The following ASIC2 variants were observed in gnomAD, a reference collection of about 807,000 sequenced individuals.
The protein encoded by ASIC2 is acid-sensing ion channel 2.
A neutral mutation model predicts 57.3 loss-of-function variants in ASIC2; 25 were observed. The ratio of observed to expected loss-of-function variants is 0.44; its 90% CI spans 0.32 to 0.61. The LOEUF (loss-of-function observed/expected upper bound fraction) is 0.61, where lower values mean the gene tolerates loss of function less well. Among genes scored for constraint, ASIC2 ranks in the 20% least tolerant of loss-of-function variants. ASIC2 has a pLI of 0.06. For missense variants in ASIC2, 641 were observed against 738.1 expected (o/e 0.87, Z 1.52); for synonymous variants, 319 against 307.5 (o/e 1.04, Z -0.39).
At chr17:33,784,707 T>A (rs1025283682) in intron 1 of ASIC2, among the ~76,000 whole-genome samples, 16 of 152,246 alleles carry the variant, frequency 1.1e-4, no homozygotes, top group African/African-American at 3.9e-4. Context: ...TTGTATTTTA[T>A]ACCTATAGCA....
intron 1 of ASIC2, among the ~76,000 whole-genome samples, chr17:33,625,129 GTCTATCTATCTATCTA>G (rs199907150): frequency 4.4e-4 from 64 of 146,442 alleles, no homozygotes; most frequent in Middle Eastern, 7.0e-3. Context: ...TGGCCTCTCT[GTCTATCTATCTATCTA>G]TCTATCTATC....
chr17:33,297,315 C>T (rs920792021), upstream of ASIC2, among the ~76,000 whole-genome samples: 4 of 152,152 alleles, frequency 2.6e-5, no homozygotes, highest in African/African-American at 9.7e-5. Flanking sequence ...AGCCTACCAA[C>T]CCTTTTACTC....
At chr17:33,063,113 C>G (rs532222007) in intron 3 of ASIC2, among the ~76,000 whole-genome samples, 1 of 152,170 alleles carries the variant, frequency 6.6e-6, no homozygotes, top group African/African-American at 2.4e-5. Flanking sequence ...GACTCGTTAT[C>G]CAATTTGCCA....
At chr17:33,058,487 A>AC (rs1307085759) in intron 3 of ASIC2, among the ~76,000 whole-genome samples, 4 of 151,482 alleles carry the variant, frequency 2.6e-5, no homozygotes, top group African/African-American at 9.7e-5. Flanking sequence ...AAAAAAAAAA[A>AC]AAAACAAAAC....
chr17:33,536,938 G>A (rs1372902699), intron 1 of ASIC2, among the ~76,000 whole-genome samples: 2 of 152,020 alleles, frequency 1.3e-5, no homozygotes, highest in Non-Finnish European at 2.9e-5. Flanking sequence ...CCGAGCCTGG[G>A]GATATTGAGG....
chr17:33,316,342 A>G (rs1377726451), intron 1 of ASIC2, among the ~76,000 whole-genome samples: 1 of 151,792 alleles, frequency 6.6e-6, no homozygotes, highest in African/African-American at 2.4e-5. Context: ...CTTCACCCCA[A>G]CTCTCTCTGC....
At chr17:33,487,285 C>G (rs1472006992) in intron 1 of ASIC2, among the ~76,000 whole-genome samples, 1 of 152,160 alleles carries the variant, frequency 6.6e-6, no homozygotes, top group Non-Finnish European at 1.5e-5. Context: ...TCATCACCAC[C>G]TGTTATATCC....
intron 1 of ASIC2, among the ~76,000 whole-genome samples, chr17:34,104,053 C>T (rs1015206447): frequency 1.3e-5 from 2 of 152,104 alleles, no homozygotes; most frequent in African/African-American, 4.8e-5. Flanking sequence ...GAAGGTTTGA[C>T]ATCCTAACAA....
chr17:34,054,996 G>T (rs756878643), intron 1 of ASIC2, among the ~76,000 whole-genome samples: 3 of 152,146 alleles, frequency 2.0e-5, no homozygotes, highest in African/African-American at 4.8e-5. Context: ...CCAAAGAAAT[G>T]ACTCATCCAA....
chr17:33,694,605 TG>T (rs1908472551), intron 1 of ASIC2, among the ~76,000 whole-genome samples: 1 of 152,162 alleles, frequency 6.6e-6, no homozygotes, highest in African/African-American at 2.4e-5. Flanking sequence ...AGTTGAGATC[TG>T]GGGGTTATAA....
At chr17:34,127,728 C>T (rs1003660843) in intron 1 of ASIC2, among the ~76,000 whole-genome samples, 1 of 152,150 alleles carries the variant, frequency 6.6e-6, no homozygotes, top group African/African-American at 2.4e-5. Flanking sequence ...CCGATGCCAC[C>T]TGAGCCCTCC....
intron 1 of ASIC2, among the ~76,000 whole-genome samples, chr17:33,211,866 C>A (rs1472165178): frequency 6.6e-6 from 1 of 152,198 alleles, no homozygotes; most frequent in Non-Finnish European, 1.5e-5. Flanking sequence ...AAGACGGGTT[C>A]CAGGATCCCC....
chr17:33,561,124 T>C (rs536714452), intron 1 of ASIC2, among the ~76,000 whole-genome samples: 92 of 152,274 alleles, frequency 6.0e-4, no homozygotes, highest in African/African-American at 2.1e-3. Context: ...GAGATTCTCA[T>C]TTCAGAAATG....
chr17:34,123,214 C>A (rs762576261), intron 1 of ASIC2, among the ~76,000 whole-genome samples: 1 of 152,106 alleles, frequency 6.6e-6, no homozygotes, highest in African/African-American at 2.4e-5. Flanking sequence ...CTCTGCTGGC[C>A]CTGGAACTAG....
chr17:33,787,175 A>T (rs778445188), intron 1 of ASIC2, among the ~76,000 whole-genome samples: 7 of 152,220 alleles, frequency 4.6e-5, no homozygotes, highest in Non-Finnish European at 1.0e-4. Flanking sequence ...AACACTTGCT[A>T]TCTCCCATTG....
At chr17:33,641,196 C>G (rs1429843587) in intron 1 of ASIC2, among the ~76,000 whole-genome samples, 1 of 152,136 alleles carries the variant, frequency 6.6e-6, no homozygotes, top group Non-Finnish European at 1.5e-5. Flanking sequence ...TCCTCTAGCC[C>G]CATTTTTCAG....
At chr17:33,841,159 C>T (rs1913426473) in intron 1 of ASIC2, among the ~76,000 whole-genome samples, 1 of 152,206 alleles carries the variant, frequency 6.6e-6, no homozygotes, top group Non-Finnish European at 1.5e-5. Flanking sequence ...GGACAGGGCC[C>T]TTTCAGTGCT....
At chr17:33,920,488 T>C (rs1915685702) in intron 1 of ASIC2, among the ~76,000 whole-genome samples, 1 of 152,092 alleles carries the variant, frequency 6.6e-6, no homozygotes, top group Non-Finnish European at 1.5e-5. Flanking sequence ...TTCTCACTTA[T>C]ATGGGGAGGT....
chr17:34,052,618 CT>C (rs554412437), intron 1 of ASIC2, among the ~76,000 whole-genome samples: 4,978 of 142,188 alleles, frequency 0.035, 214 homozygotes, highest in African/African-American at 0.11. Context: ...ATGAATCTCA[CT>C]TTTTTTTTTT....
Sources: allele counts gnomAD v4.1 joint callset (sites outside exome capture counted in the v4.1 genomes callset), GRCh38; gene constraint gnomAD v4.1.1; transcripts MANE v1.5; gene names NCBI Gene and HGNC (gene_info 2026-07-23, HGNC 2026-07-21).